Variants in MAP4 observed in about 807,000 individuals in gnomAD.
The protein encoded by MAP4 is microtubule associated protein 4.
In MAP4, 76 loss-of-function variants were observed where a neutral mutation model predicts 170.2. That is an observed-to-expected ratio of 0.45 (90% CI 0.37 to 0.54). The LOEUF (loss-of-function observed/expected upper bound fraction) is 0.54. Ranked by LOEUF, MAP4 falls within the 20% of genes least tolerant of loss-of-function variation. The probability of loss-of-function intolerance (pLI) is 0.00; values close to 1 mark genes in which losing one functional copy is unlikely to be tolerated. For missense variants in MAP4, 2,506 were observed against 2,748.0 expected (o/e 0.91, Z 1.97); for synonymous variants, 909 against 994.5 (o/e 0.91, Z 1.62).
intron 1 of MAP4, among the ~76,000 whole-genome samples, chr3:48,069,078 C>T (rs1305308549): frequency 6.6e-6 from 1 of 152,178 alleles, no homozygotes; most frequent in Non-Finnish European, 1.5e-5. Flanking sequence ...CAAATTCTGA[C>T]TCAGCTACAA....
At chr3:47,997,058 C>A (rs2100096146) in intron 2 of MAP4, among the ~76,000 whole-genome samples, 2 of 151,436 alleles carry the variant, frequency 1.3e-5, no homozygotes, top group South Asian at 4.2e-4. Flanking sequence ...AAAGAAAGTA[C>A]CCAAAGTAAA....
chr3:48,042,660 G>A (rs181871312), intron 1 of MAP4, among the ~76,000 whole-genome samples: 2 of 152,272 alleles, frequency 1.3e-5, no homozygotes, highest in Non-Finnish European at 2.9e-5. Context: ...TACTGCTAAT[G>A]AGAACATAAA....
chr3:47,916,603 C>G lies in MAP4; in HGVS notation c.1224G>C (p.Lys408Asn), dbSNP rs763268387. 6.2e-7 allele frequency: 1 copy of G among 1,614,236 alleles called. No homozygotes were observed. The highest frequency in any genetic ancestry group is 1.1e-5 in the South Asian group (1 of 91,082). ...CTATTTCTGAGAGTAATACCAAATCCTTGGCTGGGACTATCTTGTTTTCTT... is the reference window on the plus strand; with the variant it reads ...CTATTTCTGAGAGTAATACCAAATCGTTGGCTGGGACTATCTTGTTTTCTT... ...PPKENKIVPA[K>N]DLVLLSEIEV... The change falls in exon 7 of 21, where the codon AAG becomes AAC. Residue 408 changes from lysine to asparagine, a missense_variant. Coordinates refer to ENST00000683076, the MANE Select transcript of MAP4 (RefSeq NM_001385682.1).
intron 5 of MAP4, among the ~76,000 whole-genome samples, chr3:47,920,212 C>T (rs2100042016): frequency 6.6e-6 from 1 of 152,186 alleles, no homozygotes; most frequent in African/African-American, 2.4e-5. Flanking sequence ...CTCAGGTGAT[C>T]TGCCCACCTC....
intron 7 of MAP4, among the ~76,000 whole-genome samples, chr3:47,915,393 G>A (rs1460243902): frequency 6.6e-6 from 1 of 152,148 alleles, no homozygotes; most frequent in Non-Finnish European, 1.5e-5. Flanking sequence ...TGGGATTACA[G>A]GTGTGAGCCA....
At chr3:47,923,058 G>GA (rs1253876783) in intron 4 of MAP4, among the ~76,000 whole-genome samples, 2 of 150,756 alleles carry the variant, frequency 1.3e-5, no homozygotes, top group Non-Finnish European at 3.0e-5. Context: ...AAAAAAAAAA[G>GA]AAAAAAAAGC....
chr3:48,061,173 A>T (rs1203750070), intron 1 of MAP4, among the ~76,000 whole-genome samples: 1 of 151,160 alleles, frequency 6.6e-6, no homozygotes, highest in South Asian at 2.1e-4. Flanking sequence ...TTAATATGAA[A>T]ATGAACACCT....
intron 12 of MAP4, among the ~76,000 whole-genome samples, chr3:47,872,444 A>G (rs1424592694): frequency 6.6e-6 from 1 of 152,104 alleles, no homozygotes; most frequent in African/African-American, 2.4e-5. Context: ...CAGCCTCCCA[A>G]AGTGCTGGGA....
chr3:48,052,618 T>C (rs1303653770), intron 1 of MAP4, among the ~76,000 whole-genome samples: 2 of 152,246 alleles, frequency 1.3e-5, no homozygotes, highest in African/African-American at 2.4e-5. Context: ...GTGGCTGAAC[T>C]GTATGTTTTA....
intron 17 of MAP4, among the ~76,000 whole-genome samples, chr3:47,866,254 C>T (rs2079621970): frequency 6.6e-6 from 1 of 151,240 alleles, no homozygotes; most frequent in Non-Finnish European, 1.5e-5. Context: ...GGAGAATTGA[C>T]TGACCCTGGT....
At chr3:48,043,847 CT>C (rs199537058) in intron 1 of MAP4, among the ~76,000 whole-genome samples, 26 of 150,306 alleles carry the variant, frequency 1.7e-4, no homozygotes, top group Admixed American at 1.4e-3. Flanking sequence ...GCTCTGTAAT[CT>C]TTTTTTTTTT....
chr3:47,940,616 G>T (rs2100055670), intron 3 of MAP4, among the ~76,000 whole-genome samples: 1 of 152,090 alleles, frequency 6.6e-6, no homozygotes, highest in Admixed American at 6.6e-5. Flanking sequence ...AAGGCATATG[G>T]CTAAACACTT....
Position 47,977,867 on chromosome 3 carries a change from G to T in MAP4, c.290C>A (p.Thr97Lys), listed in dbSNP as rs371268157. The T allele has an allele frequency of 2.6e-5, 42 of 1,608,644 alleles. No homozygotes were observed. The highest frequency in any genetic ancestry group is 3.2e-5 in the Non-Finnish European group (38 of 1,175,486). The change falls in exon 3 of 21, where the codon ACA (threonine) becomes AAA (lysine). Residue 97 changes from threonine (T) to lysine (K), a missense_variant and splice_region_variant. Coordinates refer to ENST00000683076, the MANE Select transcript of MAP4 (RefSeq NM_001385682.1). The stretch of plus-strand genomic sequence containing the variant: ...GGGGAATCCTGGGAATCACTTACCT[G>T]TAGTATCGCTCCCTTCTACTCCATG... ...GGHGVEGSDTTGSPTEFLEEK... is the reference protein window; with the variant it reads ...GGHGVEGSDTKGSPTEFLEEK...
In MAP4 at chr3:47,871,963, G is replaced by T. The variant is rs1388482588; in HGVS notation, c.5895C>A (p.Gly1965=). 6.2e-7 allele frequency: 1 copy of T among 1,613,966 alleles called. No individual in the cohort carries two copies. Among genetic ancestry groups the T allele is most frequent in the Admixed American group, 1.7e-5 (1 of 60,016 alleles). ...GCGTGGAGGGGCTCCTACTGCTTGG[G>T]CCAGTTGAGGCAACAGCAGCAGCTG... ...TTTAAAVAST[G]PSSRSPSTLL... The change falls in exon 13 of 21, where the codon GGC becomes GGA. Residue 1965 remains glycine, a synonymous_variant. Transcript: ENST00000683076.
chr3:48,071,566 G>C (rs753825395), intron 1 of MAP4, among the ~76,000 whole-genome samples: 19 of 151,894 alleles, frequency 1.3e-4, no homozygotes, highest in Non-Finnish European at 2.2e-4. Flanking sequence ...AAAGAAAAGA[G>C]AAAAAATCTG....
intron 7 of MAP4, 77 bp downstream of exon 7, chr3:47,915,874 G>A (rs2100038478): frequency 3.4e-6 from 5 of 1,473,632 alleles, no homozygotes; most frequent in African/African-American, 1.4e-5. Context: ...ACTTTACCTG[G>A]CATGATGTTT....
chr3:48,060,580 A>G (rs565615490), intron 1 of MAP4, among the ~76,000 whole-genome samples: 41 of 152,218 alleles, frequency 2.7e-4, no homozygotes, highest in Admixed American at 5.9e-4. Flanking sequence ...ATTGGGAGAA[A>G]ATATTTGCAA....
chr3:47,916,633 T>C lies in MAP4; in HGVS notation c.1194A>G (p.Pro398=). 1 of 1,614,202 alleles carries C rather than the reference T, an allele frequency of 6.2e-7. No individual in the cohort carries two copies. Among genetic ancestry groups the C allele is most frequent in the Non-Finnish European group, 8.5e-7 (1 of 1,180,026 alleles). ...MDLAPSKDMG[P]PKENKIVPAK... ...CTGGGACTATCTTGTTTTCTTTGGGTGGTCCCATGTCCTTGGAAGGAGCCA... is the reference window on the plus strand; with the variant it reads ...CTGGGACTATCTTGTTTTCTTTGGGCGGTCCCATGTCCTTGGAAGGAGCCA... Residue 398 remains proline, a synonymous_variant, in exon 7 of 21, where the codon CCA becomes CCG. Coordinates refer to ENST00000683076, the MANE Select transcript of MAP4 (RefSeq NM_001385682.1).
At chr3:47,882,415 G>C (rs2096908911) in intron 10 of MAP4, among the ~76,000 whole-genome samples, 1 of 151,744 alleles carries the variant, frequency 6.6e-6, no homozygotes. Flanking sequence ...TTGGTTACCT[G>C]AACATTTTTA....
Sources: gnomAD v4.1 joint callset for allele counts (sites outside exome capture counted in the v4.1 genomes callset) on GRCh38, gnomAD v4.1.1 for gene constraint, MANE v1.5 for transcripts, NCBI Gene and HGNC (gene_info 2026-07-23, HGNC 2026-07-21) for gene names.